The following LGR5 variants were observed in gnomAD, a reference collection of about 807,000 sequenced individuals.
LGR5 encodes leucine rich repeat containing G protein-coupled receptor 5.
In LGR5, 54 loss-of-function variants were observed where a neutral mutation model predicts 76.7. That is an observed-to-expected ratio of 0.70 (90% CI 0.57 to 0.88). The LOEUF is 0.88. Among genes scored for constraint, LGR5 ranks in the 40% least tolerant of loss-of-function variants. The pLI is 0.00. For synonymous variants in LGR5, 406 were observed against 421.9 expected (o/e 0.96, Z 0.46); for missense variants, 1,078 against 1,073.3 (o/e 1.00, Z -0.06).
At chr12:71,567,971 T>C (rs1878432522) in intron 11 of LGR5, among the ~76,000 whole-genome samples, 2 of 152,110 alleles carry the variant, frequency 1.3e-5, no homozygotes, top group African/African-American at 2.4e-5. Context: ...ATCAATTTGA[T>C]TGAATAACTG....
Position 71,453,230 on chromosome 12 carries a change from C to T in LGR5, c.212+12938C>T, listed in dbSNP as rs183352292. Among the ~76,000 whole-genome samples, 907 of 152,260 alleles carry T rather than the reference C, an allele frequency of 6.0e-3. 16 individuals carry two copies. Among genetic ancestry groups the T allele is most frequent in the Admixed American group, 0.025 (387 of 15,294 alleles). On this transcript the variant is annotated intron_variant, in intron 1 of 17. Coordinates refer to ENST00000266674, the MANE Select transcript of LGR5 (RefSeq NM_003667.4). ...AAATATTCTAACTTTTGTTTCTGATCCTTGGTATCAAATAGACAAAAGATT... is the reference window on the plus strand; with the variant it reads ...AAATATTCTAACTTTTGTTTCTGATTCTTGGTATCAAATAGACAAAAGATT...
intron 9 of LGR5, 76 bp from the exon 10 acceptor site, chr12:71,566,556 T>A: frequency 6.6e-7 from 1 of 1,513,178 alleles, no homozygotes; most frequent in East Asian, 2.3e-5. Context: ...TAGGTTGAAG[T>A]GCTTTGAAAA....
At chr12:71,581,872 T>C (rs1369406172) in intron 16 of LGR5, among the ~76,000 whole-genome samples, 2 of 152,192 alleles carry the variant, frequency 1.3e-5, no homozygotes, top group Admixed American at 6.5e-5. Flanking sequence ...TTAAAAAATA[T>C]TGGTCCCCAA....
rs185138294 is a variant in LGR5, at chr12:71,469,736, A to G, written c.212+29444A>G. Among the ~76,000 whole-genome samples the G allele has an allele frequency of 5.1e-4, 78 of 152,236 alleles. 1 individual carries two copies. The East Asian group carries it at 0.012, about 24-fold the overall frequency. The stretch of plus-strand genomic sequence containing the variant: ...CCCAAACCCTGGAAGAAATGCCCCC[A>G]CTTAACTGCCTTGGTAACAATTAAA... On this transcript the variant is annotated intron_variant, in intron 1 of 17. Transcript: ENST00000266674.
At chr12:71,523,431 G>A (rs1357292313) in intron 2 of LGR5, among the ~76,000 whole-genome samples, 1 of 151,960 alleles carries the variant, frequency 6.6e-6, no homozygotes, top group Non-Finnish European at 1.5e-5. Flanking sequence ...CAGGAGGATT[G>A]CTTGAGCCTA....
chr12:71,559,521 C>T (rs1877951823), intron 6 of LGR5, 65 bp from the exon 7 acceptor site: 2 of 882,090 alleles, frequency 2.3e-6, no homozygotes, highest in Non-Finnish European at 3.8e-6. Context: ...GTTAACTTTC[C>T]TTGTAAATAG....
At chr12:71,503,738 C>A (rs928316526) in intron 1 of LGR5, among the ~76,000 whole-genome samples, 1 of 152,156 alleles carries the variant, frequency 6.6e-6, no homozygotes, top group Admixed American at 6.5e-5. Context: ...TGCAACAAGT[C>A]ATTTCTTAAG....
intron 1 of LGR5, among the ~76,000 whole-genome samples, chr12:71,474,109 C>T (rs917428621): frequency 6.0e-5 from 9 of 150,822 alleles, no homozygotes; most frequent in Non-Finnish European, 8.8e-5. Flanking sequence ...TTTGAATGTA[C>T]GTTGAATATA....
intron 17 of LGR5, chr12:71,583,402 C>G (rs976784369): frequency 4.1e-6 from 2 of 489,510 alleles, no homozygotes; most frequent in Non-Finnish European, 7.2e-6. Context: ...TCGAAATTCT[C>G]CATTCTCATT....
At chr12:71,578,703 TTTA>T in intron 14 of LGR5, 98 bp from the exon 15 acceptor site, 1 of 1,231,414 alleles carries the variant, frequency 8.1e-7, no homozygotes, top group Non-Finnish European at 1.1e-6. Flanking sequence ...CTTAGAAGTT[TTTA>T]TTGAGTAGTT....
chr12:71,466,562 A>G (rs1212624062), intron 1 of LGR5, among the ~76,000 whole-genome samples: 1 of 152,160 alleles, frequency 6.6e-6, no homozygotes, highest in Non-Finnish European at 1.5e-5. Flanking sequence ...GGATAAAAAG[A>G]ATGTTCTGCA....
At chr12:71,582,033 G>C (rs550343138) in intron 16 of LGR5, among the ~76,000 whole-genome samples, 1 of 152,298 alleles carries the variant, frequency 6.6e-6, no homozygotes, top group East Asian at 1.9e-4. Context: ...GAAACTTACT[G>C]TGTCTGATTC....
In LGR5 at chr12:71,535,066, T is replaced by C. The variant is rs751529128; in HGVS notation, c.357-49T>C. 15 of 1,339,382 alleles carry C rather than the reference T, an allele frequency of 1.1e-5. No individual in the cohort carries two copies. The East Asian group carries it at 3.2e-4, about 29-fold the overall frequency. 83.0% of individuals were successfully genotyped at this position (1,339,382 alleles called of 1,614,324 possible). A position where few individuals can be genotyped will look rare whatever the true frequency, so the allele number is the denominator to read the frequency against. On this transcript the variant is annotated intron_variant, in intron 3 of 17. Transcript: ENST00000266674. ...CAGTGCCTGGCCTTGTTTAGGCCTG[T>C]TATTGTTCATTTTTTTTAACATTTT...
In LGR5 at chr12:71,585,552, A is replaced by G. The variant is rs1879285653; in HGVS notation, c.*818A>G. 1 of 152,254 alleles carries G rather than the reference A, an allele frequency of 6.6e-6. No individual in the cohort carries two copies. Among genetic ancestry groups the G allele is most frequent in the Non-Finnish European group, 1.5e-5 (1 of 68,048 alleles). The allele number at this position is 152,254 out of a possible 1,614,324, so 9.4% of individuals were successfully genotyped here. Reference sequence around the variant, plus strand: ...ACTGCCAGCAATGAACATACCTGGAAAAGAAAGTAAGCAATCTGGGATTTT... The same window carrying G: ...ACTGCCAGCAATGAACATACCTGGAGAAGAAAGTAAGCAATCTGGGATTTT... On this transcript the variant is annotated 3_prime_UTR_variant, in exon 18 of 18. Transcript: ENST00000266674.
chr12:71,553,586 TACAGTA>T (rs910432243), intron 5 of LGR5, among the ~76,000 whole-genome samples: 2 of 152,134 alleles, frequency 1.3e-5, no homozygotes, highest in Non-Finnish European at 2.9e-5. Context: ...GTACAGTTAG[TACAGTA>T]ACCTAAGTTA....
chr12:71,566,849 C>T lies in LGR5; in HGVS notation c.1007C>T (p.Thr336Ile). 6.2e-7 allele frequency: 1 copy of T among 1,613,474 alleles called. No homozygotes were observed. Residue 336 changes from threonine (T) to isoleucine (I), a missense_variant, in exon 11 of 18, where the codon ACT becomes ATT. Physicochemically the swap from Thr to Ile is moderately conservative, Grantham distance 89 (BLOSUM62 -1). Transcript: ENST00000266674. Reference protein sequence around the residue: ...GTANLESLTLTGAQISSLPQT... With the variant: ...GTANLESLTLIGAQISSLPQT... ...GGTTTGTGTTTTAACAGGACTTTAA[C>T]TGGAGCACAGATCTCATCTCTTCCT...
At chr12:71,500,294 G>T (rs956083037) in intron 1 of LGR5, among the ~76,000 whole-genome samples, 1 of 152,002 alleles carries the variant, frequency 6.6e-6, no homozygotes, top group Middle Eastern at 3.2e-3. Flanking sequence ...GAGTTGTAGA[G>T]GTCAGATAAC....
chr12:71,524,401 C>T lies in LGR5; in HGVS notation c.285-5C>T. 1.9e-6 allele frequency: 3 copies of T among 1,610,032 alleles called. No homozygotes were observed. The highest frequency in any genetic ancestry group is 1.7e-4 in the Middle Eastern group (1 of 6,052). ...ACTCTCTCTCCTCTCCATTGAAACC[C>T]ACAGACGTCTTGCGGGAAACGCTCT... On this transcript the variant is annotated splice_region_variant and splice_polypyrimidine_tract_variant and intron_variant, in intron 2 of 17. Transcript: ENST00000266674.
At chr12:71,499,278 A>G (rs960841041) in intron 1 of LGR5, among the ~76,000 whole-genome samples, 3 of 152,136 alleles carry the variant, frequency 2.0e-5, no homozygotes, top group African/African-American at 4.8e-5. Flanking sequence ...AGGTTGAAAT[A>G]GAGAACAATG....
Sources: gnomAD v4.1 joint callset for allele counts (sites outside exome capture counted in the v4.1 genomes callset) on GRCh38, gnomAD v4.1.1 for gene constraint, MANE v1.5 for transcripts, NCBI Gene and HGNC (gene_info 2026-07-23, HGNC 2026-07-21) for gene names.